Variants in PCDHA10 observed in about 807,000 individuals in gnomAD.
PCDHA10 encodes protocadherin alpha-10.
PCDHA10 carries 45 observed loss-of-function variants against 61.2 expected under a neutral mutation model. That is an observed-to-expected ratio of 0.74 (90% CI 0.58 to 0.94). The LOEUF is 0.94. PCDHA10 is among the 40% of genes least tolerant of loss of function. The pLI, the probability that PCDHA10 is intolerant of heterozygous loss-of-function variation, is 0.00. For missense variants in PCDHA10, 1,278 were observed against 1,236.2 expected (o/e 1.03, Z -0.51); for synonymous variants, 602 against 548.8 (o/e 1.10, Z -1.35).
intron 1 of PCDHA10, among the ~76,000 whole-genome samples, chr5:140,924,825 G>A (rs1282051408): frequency 1.3e-5 from 2 of 151,514 alleles, no homozygotes; most frequent in African/African-American, 4.9e-5. Flanking sequence ...AACCTGGGAG[G>A]GGGAGGTTGC....
intron 1 of PCDHA10, among the ~76,000 whole-genome samples, chr5:140,893,926 C>G (rs1481035774): frequency 6.6e-6 from 1 of 152,180 alleles, no homozygotes; most frequent in Non-Finnish European, 1.5e-5. Context: ...TTTTCAGAAT[C>G]TCTACCTGTT....
At chr5:140,920,842 A>T (rs1377558160) in intron 1 of PCDHA10, among the ~76,000 whole-genome samples, 3 of 127,576 alleles carry the variant, frequency 2.4e-5, no homozygotes, top group Non-Finnish European at 5.0e-5. Context: ...GACCAAATCT[A>T]AAAAAAAAAA....
chr5:140,968,553 G>C (rs782583876), intron 1 of PCDHA10: 4 of 1,614,132 alleles, frequency 2.5e-6, no homozygotes, highest in South Asian at 1.1e-5. Context: ...ATGGTGCCTC[G>C]AACTGCCCCT....
At chr5:140,867,855 G>A (rs1340065029) in intron 1 of PCDHA10, 1 of 152,094 alleles carries the variant, frequency 6.6e-6, no homozygotes, top group South Asian at 2.1e-4. Context: ...TAGTTGAATT[G>A]TTTGATTAAT....
chr5:140,998,491 A>G (rs994652769), intron 3 of PCDHA10, among the ~76,000 whole-genome samples: 15 of 152,288 alleles, frequency 9.8e-5, no homozygotes, highest in African/African-American at 3.1e-4. Flanking sequence ...TAACTCTTTG[A>G]GAACAGGGTA....
In PCDHA10 at chr5:140,858,867, T is replaced by C. The variant is rs183298446; in HGVS notation, c.2388+431T>C. 1.7e-4 allele frequency: 42 copies of C among 253,674 alleles called. No homozygotes were observed. In the East Asian group the frequency reaches 3.9e-3, roughly 24 times the overall value. 15.7% of individuals were successfully genotyped at this position (253,674 alleles called of 1,614,324 possible). ...CTGATCTATATCTCTTCAGTGAAAATGTGTTTTCCTCCATGTGTAGAATAT... is the reference window on the plus strand; with the variant it reads ...CTGATCTATATCTCTTCAGTGAAAACGTGTTTTCCTCCATGTGTAGAATAT... On this transcript the variant is annotated intron_variant, in intron 1 of 3. Coordinates refer to ENST00000307360, the MANE Select transcript of PCDHA10 (RefSeq NM_018901.4).
chr5:140,870,504 C>G (rs782464928), intron 1 of PCDHA10: 18 of 1,614,232 alleles, frequency 1.1e-5, no homozygotes, highest in Non-Finnish European at 3.4e-6. Context: ...AGGAGAACAA[C>G]CCACCAGGCT....
At chr5:140,876,531 T>G in intron 1 of PCDHA10, 1 of 1,614,200 alleles carries the variant, frequency 6.2e-7, no homozygotes, top group South Asian at 1.1e-5. Flanking sequence ...TAATGGTTAC[T>G]TCACTGTCGC....
chr5:140,983,270 GGGT>G (rs1349296894), intron 3 of PCDHA10, among the ~76,000 whole-genome samples: 4 of 152,152 alleles, frequency 2.6e-5, no homozygotes, highest in Non-Finnish European at 2.9e-5. Flanking sequence ...CCTAATGGCT[GGGT>G]GAGTATAGGA....
rs782133089 is a variant in PCDHA10, at chr5:140,924,894, CAAA to C, written c.2389-54046_2389-54044del. Reference sequence around the variant, plus strand: ...TGGGTGACAGAGCAAGAACCTGTCTCAAAAAAAAAAATAAAATAAAATAAAATA... The same window carrying C: ...TGGGTGACAGAGCAAGAACCTGTCTCAAAAAAAATAAAATAAAATAAAATA... On this transcript the variant is annotated intron_variant, in intron 1 of 3. Transcript: ENST00000307360. Among the ~76,000 whole-genome samples the C allele has an allele frequency of 6.8e-3, 488 of 71,480 alleles. 13 individuals carry two copies. Among genetic ancestry groups the C allele is most frequent in the East Asian group, 0.051 (79 of 1,534 alleles). The allele number at this position is 71,480 out of a possible 152,430, so 46.9% of individuals were successfully genotyped here. A position where few individuals can be genotyped will look rare whatever the true frequency, so the allele number is the denominator to read the frequency against.
rs1212055845 is a variant in PCDHA10 at position 140,857,419 on chromosome 5, C to T, written c.1371C>T (p.Ser457=). Residue 457 remains serine (S), a synonymous_variant, in exon 1 of 4, where the codon TCC becomes TCT. Coordinates refer to ENST00000307360, the MANE Select transcript of PCDHA10 (RefSeq NM_018901.4). ...ACAACGCGCCTGCGTTCGCGCAGTC[C>T]GAGTACACGGTGTTCGTGAAGGAGA... The part of the protein sequence containing the change: ...VNDNAPAFAQ[S]EYTVFVKENN... The T allele has an allele frequency of 3.1e-6, 5 of 1,598,216 alleles. 1 individual carries two copies. The African/African-American group carries it at 6.7e-5, about 22-fold the overall frequency.
rs1562532129 is a variant in PCDHA10 at position 140,857,987 on chromosome 5, C to A, written c.1939C>A (p.Leu647Met). Residue 647 changes from leucine (L) to methionine (M), a missense_variant, in exon 1 of 4, where the codon CTG (leucine) becomes ATG (methionine). Transcript: ENST00000307360. The stretch of plus-strand genomic sequence containing the variant: ...GACTGACTCGCCACGCCAGCGCCTA[C>A]TGGTGCTGGTGAAGGACCATGGCGA... ...DETDSPRQRLLVLVKDHGEPS... is the reference protein window; with the variant it reads ...DETDSPRQRLMVLVKDHGEPS... 1.3e-6 allele frequency: 2 copies of A among 1,596,876 alleles called. No homozygotes were observed. Among genetic ancestry groups the A allele is most frequent in the East Asian group, 4.5e-5 (2 of 44,800 alleles).
At chr5:140,903,871 A>G (rs1382306493) in intron 1 of PCDHA10, among the ~76,000 whole-genome samples, 2 of 152,192 alleles carry the variant, frequency 1.3e-5, no homozygotes, top group Non-Finnish European at 2.9e-5. Context: ...GAGTAAAATG[A>G]CAAAGACATT....
chr5:140,874,624 A>G (rs1554167312), intron 1 of PCDHA10, among the ~76,000 whole-genome samples: 3 of 152,242 alleles, frequency 2.0e-5, no homozygotes, highest in African/African-American at 2.4e-5. Flanking sequence ...AACATTTTAC[A>G]TTAAAGTGCT....
intron 3 of PCDHA10, among the ~76,000 whole-genome samples, chr5:140,991,246 AT>A (rs1239917412): frequency 6.6e-6 from 1 of 152,206 alleles, no homozygotes; most frequent in African/African-American, 2.4e-5. Context: ...TAAAGGCAGT[AT>A]TTGAACTCAT....
chr5:140,907,641 C>T (rs2073511625), intron 1 of PCDHA10, among the ~76,000 whole-genome samples: 1 of 152,212 alleles, frequency 6.6e-6, no homozygotes, highest in Non-Finnish European at 1.5e-5. Context: ...CTGCTGCTGG[C>T]AAATTGGGCA....
chr5:140,967,836 A>G, intron 1 of PCDHA10: 1 of 1,614,136 alleles, frequency 6.2e-7, no homozygotes, highest in African/African-American at 1.3e-5. Flanking sequence ...GACATCGTGG[A>G]CGTGAATGAC....
At chr5:140,897,993 A>G (rs2066447415) in intron 1 of PCDHA10, among the ~76,000 whole-genome samples, 1 of 152,184 alleles carries the variant, frequency 6.6e-6, no homozygotes, top group African/African-American at 2.4e-5. Flanking sequence ...TCTTCTTTTG[A>G]GAAGTGTCTG....
At chr5:140,885,045 G>T (rs528565062) in intron 1 of PCDHA10, among the ~76,000 whole-genome samples, 3 of 152,238 alleles carry the variant, frequency 2.0e-5, no homozygotes, top group Admixed American at 1.3e-4. Context: ...TTAGTTTAAT[G>T]TATACATATA....
Sources: allele counts gnomAD v4.1 joint callset (sites outside exome capture counted in the v4.1 genomes callset), GRCh38; gene constraint gnomAD v4.1.1; transcripts MANE v1.5; gene names NCBI Gene and HGNC (gene_info 2026-07-23, HGNC 2026-07-21).